Variants in ATP6V1H observed in about 807,000 individuals in gnomAD.
ATP6V1H encodes the protein V-type proton ATPase subunit H.
In ATP6V1H, 39 loss-of-function variants were observed where a neutral mutation model predicts 71.7. The observed-to-expected ratio is 0.54, with a 90% confidence interval of 0.42 to 0.71. The LOEUF (loss-of-function observed/expected upper bound fraction) is 0.71. Ranked by LOEUF, ATP6V1H falls within the 30% of genes least tolerant of loss-of-function variation. The pLI, the probability that ATP6V1H is intolerant of heterozygous loss-of-function variation, is 0.00. For synonymous variants in ATP6V1H, 192 were observed against 199.3 expected, an observed-to-expected ratio of 0.96 and a Z score of 0.31; for missense variants, 509 against 594.9, an observed-to-expected ratio of 0.86 and a Z score of 1.50.
chr8:53,736,635 GT>G (rs1807213496), intron 13 of ATP6V1H, among the ~76,000 whole-genome samples: 1 of 151,996 alleles, frequency 6.6e-6, no homozygotes, highest in South Asian at 2.1e-4. Flanking sequence ...AAAAAGTTTT[GT>G]TGCTAGCTTA....
At chr8:53,759,084 G>C (rs942305740) in intron 11 of ATP6V1H, among the ~76,000 whole-genome samples, 4 of 152,138 alleles carry the variant, frequency 2.6e-5, no homozygotes, top group African/African-American at 9.7e-5. Flanking sequence ...CCCTAATCTA[G>C]GACTACTGAA....
intron 7 of ATP6V1H, among the ~76,000 whole-genome samples, chr8:53,805,921 A>G (rs1810061545): frequency 6.6e-6 from 1 of 152,204 alleles, no homozygotes; most frequent in Non-Finnish European, 1.5e-5. Context: ...ATGGAGTTCA[A>G]GATCAGACAA....
Position 53,801,809 on chromosome 8 carries a change from C to T in ATP6V1H, c.667G>A (p.Gly223Arg). 1.9e-6 allele frequency: 3 copies of T among 1,613,842 alleles called. No individual in the cohort carries two copies. Among genetic ancestry groups the T allele is most frequent in the Non-Finnish European group, 2.5e-6 (3 of 1,179,840 alleles). Reference protein sequence around the residue: ...EYRFAWVEADGVNCIMGVLSN... With the variant: ...EYRFAWVEADRVNCIMGVLSN... ...GGAAAGGGCACTCACCAATTTACCC[C>T]ATCTGCTTCCACCCAAGCAAAGCGG... Residue 223 changes from glycine (G) to arginine (R), a missense_variant, in exon 8 of 14, where the codon GGG becomes AGG. This residue lies in a region of ATP6V1H where 297 missense variants were observed against 303.3 expected (regional missense o/e 0.98). Transcript: ENST00000359530.
intron 12 of ATP6V1H, among the ~76,000 whole-genome samples, chr8:53,753,326 C>A (rs911848218): frequency 6.6e-6 from 1 of 152,064 alleles, no homozygotes; most frequent in Non-Finnish European, 1.5e-5. Flanking sequence ...AGGAAAAGCA[C>A]GGAGGATCGA....
At chr8:53,775,888 G>C (rs1012057163) in intron 9 of ATP6V1H, among the ~76,000 whole-genome samples, 1 of 152,224 alleles carries the variant, frequency 6.6e-6, no homozygotes, top group African/African-American at 2.4e-5. Context: ...CCAGTCCTGC[G>C]CCATGCGCTC....
At chr8:53,825,582 T>C (rs984172939) in intron 4 of ATP6V1H, among the ~76,000 whole-genome samples, 9 of 152,068 alleles carry the variant, frequency 5.9e-5, no homozygotes, top group Non-Finnish European at 8.8e-5. Flanking sequence ...AAGCAAAGTA[T>C]AAAAGGTACA....
At chr8:53,751,283 C>A (rs913177067) in intron 12 of ATP6V1H, among the ~76,000 whole-genome samples, 1 of 152,240 alleles carries the variant, frequency 6.6e-6, no homozygotes, top group Non-Finnish European at 1.5e-5. Flanking sequence ...GTTTCTAACT[C>A]TTGCATGATC....
At chr8:53,770,688 G>A (rs1293174727) in intron 10 of ATP6V1H, among the ~76,000 whole-genome samples, 1 of 151,476 alleles carries the variant, frequency 6.6e-6, no homozygotes, top group East Asian at 1.9e-4. Context: ...TTAGCTTTAT[G>A]TAAATAGTAT....
At chr8:53,768,573 T>C (rs912360585) in intron 11 of ATP6V1H, among the ~76,000 whole-genome samples, 2 of 152,146 alleles carry the variant, frequency 1.3e-5, no homozygotes, top group African/African-American at 2.4e-5. Context: ...TAAAATGTGG[T>C]CTTATCCACA....
chr8:53,730,952 T>G (rs79469577), intron 13 of ATP6V1H, among the ~76,000 whole-genome samples: 466 of 152,228 alleles, frequency 3.1e-3, no homozygotes, highest in African/African-American at 0.01. Context: ...ATGAGAAAGA[T>G]AAACCCCTTA....
chr8:53,812,595 C>A (rs1216113077), intron 6 of ATP6V1H, among the ~76,000 whole-genome samples: 1 of 152,218 alleles, frequency 6.6e-6, no homozygotes, highest in Non-Finnish European at 1.5e-5. Context: ...GGCATCCATT[C>A]TTCCCTACCA....
At chr8:53,794,663 GC>G (rs897231727) in intron 9 of ATP6V1H, among the ~76,000 whole-genome samples, 1 of 152,082 alleles carries the variant, frequency 6.6e-6, no homozygotes, top group African/African-American at 2.4e-5. Context: ...ACCACACCCA[GC>G]CCCACTTTTT....
chr8:53,727,978 A>T (rs981511007), intron 13 of ATP6V1H, among the ~76,000 whole-genome samples: 1 of 152,174 alleles, frequency 6.6e-6, no homozygotes, highest in African/African-American at 2.4e-5. Context: ...TAACTAAAAA[A>T]ACTGGTCTTC....
intron 4 of ATP6V1H, 27 bp downstream of exon 4, chr8:53,829,417 A>C (rs1260706020): frequency 6.6e-7 from 1 of 1,514,648 alleles, no homozygotes; most frequent in Non-Finnish European, 9.1e-7. Context: ...GAAGTCACCA[A>C]ATGTGTTAAG....
At chr8:53,771,729 A>C (rs551906743) in intron 10 of ATP6V1H, among the ~76,000 whole-genome samples, 80 of 152,276 alleles carry the variant, frequency 5.3e-4, no homozygotes, top group African/African-American at 1.9e-3. Flanking sequence ...TCCAGGGTGG[A>C]GTCATCCTGA....
chr8:53,819,573 T>C (rs1490390792), intron 4 of ATP6V1H, among the ~76,000 whole-genome samples: 3 of 126,872 alleles, frequency 2.4e-5, no homozygotes, highest in Non-Finnish European at 3.3e-5. Flanking sequence ...TATATATATA[T>C]ATATATATAT....
At chr8:53,742,940 A>G (rs1466291355) in intron 13 of ATP6V1H, among the ~76,000 whole-genome samples, 1 of 152,232 alleles carries the variant, frequency 6.6e-6, no homozygotes, top group Non-Finnish European at 1.5e-5. Context: ...CCCAACCTAC[A>G]GCTAAAAGCA....
intron 13 of ATP6V1H, among the ~76,000 whole-genome samples, chr8:53,730,337 C>T (rs922032312): frequency 6.6e-6 from 1 of 152,192 alleles, no homozygotes; most frequent in Non-Finnish European, 1.5e-5. Flanking sequence ...GTCTAGACTT[C>T]GTTCAACTAA....
chr8:53,743,586 AC>A lies in ATP6V1H; in HGVS notation c.1381del (p.Val461CysfsTer52). 1 of 1,613,710 alleles carries A rather than the reference AC, an allele frequency of 6.2e-7. No individual in the cohort carries two copies. The highest frequency in any genetic ancestry group is 1.1e-5 in the South Asian group (1 of 91,030). ...AAAAGCCGTGGCATACCAGTTGTGC[AC>A]CATGAGCTTCTGCACGGCCAGCAGA... ...NALLAVQKLM[V>X]HNWEYLGKQL... is the part of the protein sequence containing the mutation. On this transcript the variant is annotated frameshift_variant, in exon 13 of 14. Coordinates refer to ENST00000359530, the MANE Select transcript of ATP6V1H (RefSeq NM_015941.4). LOFTEE classifies it high-confidence loss of function.
Sources: allele counts gnomAD v4.1 joint callset (sites outside exome capture counted in the v4.1 genomes callset), GRCh38; gene constraint gnomAD v4.1.1; regional missense constraint gnomAD v4.1.1; transcripts MANE v1.5; gene names NCBI Gene and HGNC (gene_info 2026-07-23, HGNC 2026-07-21).